The following RBM3 variants were observed in gnomAD, a reference collection of about 807,000 sequenced individuals.
The protein encoded by RBM3 is RNA-binding protein 3.
A neutral mutation model predicts 12.0 loss-of-function variants in RBM3; 3 were observed. The ratio of observed to expected loss-of-function variants is 0.25; its 90% confidence interval spans 0.11 to 0.65. The LOEUF is 0.65. Among genes scored for constraint, RBM3 ranks in the 30% least tolerant of loss-of-function variants. The pLI, the probability that RBM3 is intolerant of heterozygous loss-of-function variation, is 0.84. For missense variants in RBM3, 108 were observed against 134.5 expected, an observed-to-expected ratio of 0.80 and a Z score of 0.97; for synonymous variants, 58 against 45.7, an observed-to-expected ratio of 1.27 and a Z score of -1.08.
intron 3 of RBM3, 107 bp downstream of exon 3, chrX:48,575,774 G>C: frequency 2.6e-6 from 2 of 760,596 alleles, no homozygotes; most frequent in Non-Finnish European, 3.8e-6. Context: ...ACCAAGCCCC[G>C]CAGTGCCCAC....
At position 48,579,577 on chromosome X, in the gene RBM3, C is replaced by CCA. The variant is rs1556990092; in HGVS notation, c.*2137_*2138insAC. On this transcript the variant is annotated 3_prime_UTR_variant, in exon 7 of 7. Transcript: ENST00000376759. Reference sequence around the variant, plus strand: ...GTCTGAGGACGCATCTTATTCTGGGCCTTTAGGGAGCTAAGGCAGTGAGAA... The same window carrying CCA: ...GTCTGAGGACGCATCTTATTCTGGGCCACTTTAGGGAGCTAAGGCAGTGAGAA... Among the ~76,000 whole-genome samples the CCA allele has an allele frequency of 9.0e-6, 1 of 111,452 alleles. No individual in the cohort carries two copies. Among genetic ancestry groups the CCA allele is most frequent in the African/African-American group, 3.3e-5 (1 of 30,669 alleles).
In RBM3 at chrX:48,575,189, T is replaced by G; in HGVS notation, c.9T>G (p.Ser3=). The stretch of plus-strand genomic sequence containing the variant: ...ACAGGACTTGAACTGCCATGTCCTC[T>G]GAAGAAGGAAAGCTCTTCGTGGGAG... MS[S]EEGKLFVGGL... The change falls in exon 2 of 7, where the codon TCT becomes TCG. Residue 3 remains serine, a synonymous_variant. Transcript: ENST00000376759. 8.3e-7 allele frequency: 1 copy of G among 1,207,812 alleles called. No homozygotes were observed.
chrX:48,577,033 G>A lies in RBM3; in HGVS notation c.421G>A (p.Gly141Ser). ...RSRDYNGRNQ[G>S]GYDRYSGGNY... The stretch of plus-strand genomic sequence containing the variant: ...GTTTTTTTTCCCCCCCAGAAACCAG[G>A]GTGGTTATGACCGCTACTCAGGAGG... Residue 141 changes from glycine (G) to serine (S), a missense_variant, in exon 6 of 7, where the codon GGT (glycine) becomes AGT (serine). Transcript: ENST00000376759. 3.3e-6 allele frequency: 4 copies of A among 1,210,886 alleles called. No individual in the cohort carries two copies. Among genetic ancestry groups the A allele is most frequent in the Non-Finnish European group, 4.5e-6 (4 of 895,219 alleles).
In RBM3 at chrX:48,576,590, A is replaced by C. The variant is rs1556989319; in HGVS notation, c.399A>C (p.Arg133Ser). 2 of 1,176,266 alleles carry C rather than the reference A, an allele frequency of 1.7e-6. No homozygotes were observed. Among genetic ancestry groups the C allele is most frequent in the Non-Finnish European group, 2.3e-6 (2 of 877,292 alleles). ...GGYGYGYGRS[R>S]DYNGRNQGGY... ...ATGGATATGGATATGGACGTTCCAG[A>C]GACTATAATGGCAGGTGGGTAGCCA... Residue 133 changes from arginine to serine, a missense_variant, in exon 5 of 7, where the codon AGA becomes AGC. Around this residue, in one of 2 missense-constraint regions of RBM3, gnomAD observed 65 missense variants for 54.9 expected, o/e 1.18. Coordinates refer to ENST00000376759, the MANE Select transcript of RBM3 (RefSeq NM_006743.5).
At position 48,577,446 on chromosome X, in the gene RBM3, C is replaced by A; in HGVS notation, c.*24-19C>A. The A allele has an allele frequency of 1.0e-6, 1 of 1,001,522 alleles. No homozygotes were observed. Among genetic ancestry groups the A allele is most frequent in the Non-Finnish European group, 1.3e-6 (1 of 747,946 alleles). 82.5% of individuals were successfully genotyped at this position (1,001,522 alleles called of 1,213,427 possible). A position where few individuals can be genotyped will look rare whatever the true frequency, so the allele number is the denominator to read the frequency against. Reference sequence around the variant, plus strand: ...GTTACTTCATGACATCACAATTCTCCCCCTCTTGCTGTTCCCAGATACACA... The same window carrying A: ...GTTACTTCATGACATCACAATTCTCACCCTCTTGCTGTTCCCAGATACACA... On this transcript the variant is annotated intron_variant, in intron 6 of 6. Transcript: ENST00000376759.
rs974692162 is a variant in RBM3 at position 48,580,206 on chromosome X, C to T, written c.*2765C>T. On this transcript the variant is annotated 3_prime_UTR_variant, in exon 7 of 7. Coordinates refer to ENST00000376759, the MANE Select transcript of RBM3 (RefSeq NM_006743.5). ...ATTCACCAAATCTCTTGTCAAGGGC[C>T]AGAATAAATTAAGAGATTGGCTTTT... Among the ~76,000 whole-genome samples the T allele has an allele frequency of 9.0e-6, 1 of 111,721 alleles. No individual in the cohort carries two copies. Among genetic ancestry groups the T allele is most frequent in the African/African-American group, 3.3e-5 (1 of 30,765 alleles).
intron 3 of RBM3, 195 bp downstream of exon 3, chrX:48,575,862 G>A (rs1301972119): frequency 5.7e-6 from 3 of 522,389 alleles, no homozygotes; most frequent in Non-Finnish European, 9.2e-6. Context: ...GGGAGGCGAC[G>A]ACTGGTCCTG....
rs1360376557 is a variant in RBM3, at chrX:48,578,785, C to T, written c.*1344C>T. The T allele has an allele frequency of 3.6e-5, 4 of 111,399 alleles. No homozygotes were observed. Among genetic ancestry groups the T allele is most frequent in the African/African-American group, 1.3e-4 (4 of 30,630 alleles). 9.2% of individuals were successfully genotyped at this position (111,399 alleles called of 1,213,427 possible). ...CTAATCCCTATCATAAATAGTGGTA[C>T]CAGTTCATTCCTTCCCCTGAAATGA... On this transcript the variant is annotated 3_prime_UTR_variant, in exon 7 of 7. Coordinates refer to ENST00000376759, the MANE Select transcript of RBM3 (RefSeq NM_006743.5).
In RBM3 at chrX:48,577,489, C is replaced by G. The variant is rs907316531; in HGVS notation, c.*48C>G. On this transcript the variant is annotated 3_prime_UTR_variant, in exon 7 of 7. Transcript: ENST00000376759. ...GATACACAAGGAATAATTTCTGATC[C>G]AGGATCGTCCTTCCAAATGGCTGTA... is the stretch of plus-strand genomic sequence containing the variant. 39 of 1,054,388 alleles carry G rather than the reference C, an allele frequency of 3.7e-5. No homozygotes were observed. Among genetic ancestry groups the G allele is most frequent in the Non-Finnish European group, 4.7e-5 (38 of 804,719 alleles). The allele number at this position is 1,054,388 out of a possible 1,213,427, so 86.9% of individuals were successfully genotyped here.
At chrX:48,574,836 C>G (rs782485184) in intron 1 of RBM3, 9 of 352,576 alleles carry the variant, frequency 2.6e-5, no homozygotes, top group South Asian at 1.0e-4. Flanking sequence ...CACTTACTTT[C>G]CTTATCCCAC....
At position 48,580,885 on chromosome X, in the gene RBM3, C is replaced by T. The variant is rs900675672; in HGVS notation, c.*3444C>T. The T allele has an allele frequency of 5.4e-5, 6 of 111,320 alleles. No homozygotes were observed. The highest frequency in any genetic ancestry group is 2.0e-4 in the African/African-American group (6 of 30,554). 9.2% of individuals were successfully genotyped at this position (111,320 alleles called of 1,213,427 possible). On this transcript the variant is annotated 3_prime_UTR_variant, in exon 7 of 7. Coordinates refer to ENST00000376759, the MANE Select transcript of RBM3 (RefSeq NM_006743.5). Reference sequence around the variant, plus strand: ...TGGTTGACAATAAGCCAGTGTTCTGCCATTCTTACCTGCTTATCAAGACAA... The same window carrying T: ...TGGTTGACAATAAGCCAGTGTTCTGTCATTCTTACCTGCTTATCAAGACAA...
chrX:48,577,002 TTG>T, intron 5 of RBM3, 22 bp from the exon 6 acceptor site: 1 of 1,206,698 alleles, frequency 8.3e-7, no homozygotes, highest in South Asian at 1.8e-5. Context: ...CAGAAAACTT[TTG>T]TGTGTTTTTT....
Position 48,579,176 on chromosome X carries a change from A to G in RBM3, c.*1735A>G, listed in dbSNP as rs2062093394. 1 of 110,971 alleles carries G rather than the reference A, an allele frequency of 9.0e-6. No individual in the cohort carries two copies. The highest frequency in any genetic ancestry group is 3.3e-5 in the African/African-American group (1 of 30,530). The allele number at this position is 110,971 out of a possible 1,213,427, so 9.1% of individuals were successfully genotyped here. ...AGTCATGGTTCTTTCTAGTGGCTGTATTGAGGCCCCATGGGTGTTATCCCT... is the reference window on the plus strand; with the variant it reads ...AGTCATGGTTCTTTCTAGTGGCTGTGTTGAGGCCCCATGGGTGTTATCCCT... On this transcript the variant is annotated 3_prime_UTR_variant, in exon 7 of 7. Transcript: ENST00000376759.
Position 48,579,508 on chromosome X carries a change from C to T in RBM3, c.*2067C>T, listed in dbSNP as rs2062094418. ...TCCACCTCACCCACTAAGCCAGGCC[C>T]AGGCTATGGGGCATTGTGGCTAACC... On this transcript the variant is annotated 3_prime_UTR_variant, in exon 7 of 7. Coordinates refer to ENST00000376759, the MANE Select transcript of RBM3 (RefSeq NM_006743.5). Among the ~76,000 whole-genome samples, 1 of 111,757 alleles carries T rather than the reference C, an allele frequency of 8.9e-6. No homozygotes were observed. The highest frequency in any genetic ancestry group is 3.7e-4 in the South Asian group (1 of 2,692).
intron 1 of RBM3, 199 bp from the exon 2 acceptor site, chrX:48,574,969 C>T (rs782288988): frequency 1.8e-5 from 8 of 450,187 alleles, no homozygotes; most frequent in Non-Finnish European, 3.2e-5. Flanking sequence ...ATGTGGCCCC[C>T]TAATGGTGGC....
At position 48,580,082 on chromosome X, in the gene RBM3, A is replaced by T. The variant is rs781963291; in HGVS notation, c.*2641A>T. 8.9e-6 allele frequency: 1 copy of T among 111,966 alleles called. No homozygotes were observed. Among genetic ancestry groups the T allele is most frequent in the African/African-American group, 3.2e-5 (1 of 30,860 alleles). The allele number at this position is 111,966 out of a possible 1,213,427, so 9.2% of individuals were successfully genotyped here. ...CCCAAACACTCAAGGTACCTTGAGA[A>T]CATGTATCCCAAGACCTGCAAAGAC... is the stretch of plus-strand genomic sequence containing the variant. On this transcript the variant is annotated 3_prime_UTR_variant, in exon 7 of 7. Coordinates refer to ENST00000376759, the MANE Select transcript of RBM3 (RefSeq NM_006743.5).
intron 5 of RBM3, 55 bp from the exon 6 acceptor site, chrX:48,576,971 G>T: frequency 1.7e-6 from 2 of 1,159,133 alleles, no homozygotes; most frequent in Non-Finnish European, 2.3e-6. Context: ...TATAATTACA[G>T]TGGTATATAT....
Position 48,577,760 on chromosome X carries a change from A to G in RBM3, c.*319A>G. ...GAGCTAGCAATAATTGGTTCTGGCA[A>G]GTTTGGCCAGACTGACTTCAAAAAA... On this transcript the variant is annotated 3_prime_UTR_variant, in exon 7 of 7. Coordinates refer to ENST00000376759, the MANE Select transcript of RBM3 (RefSeq NM_006743.5). 5.4e-6 allele frequency: 1 copy of G among 185,900 alleles called. No homozygotes were observed. Among genetic ancestry groups the G allele is most frequent in the South Asian group, 7.5e-5 (1 of 13,342 alleles). 15.3% of individuals were successfully genotyped at this position (185,900 alleles called of 1,213,427 possible).
intron 3 of RBM3, chrX:48,576,046 G>A (rs1321167442): frequency 1.9e-6 from 2 of 1,062,288 alleles, no homozygotes; most frequent in Non-Finnish European, 2.5e-6. Context: ...CAGCTTAGAG[G>A]AGTGGGGAGG....
Sources: allele counts gnomAD v4.1 joint callset (sites outside exome capture counted in the v4.1 genomes callset), GRCh38; gene constraint gnomAD v4.1.1; regional missense constraint gnomAD v4.1.1; transcripts MANE v1.5; gene names NCBI Gene and HGNC (gene_info 2026-07-23, HGNC 2026-07-21).